PRDM4: variants seen among roughly 807,000 people sequenced by gnomAD.
PRDM4 encodes the protein PR domain zinc finger protein 4.
PRDM4 carries 38 observed loss-of-function variants against 62.3 expected under a neutral mutation model. That is an observed-to-expected ratio of 0.61 (90% CI 0.47 to 0.80). PRDM4 has a LOEUF of 0.80. PRDM4 is among the 30% of genes least tolerant of loss of function. The probability of loss-of-function intolerance (pLI) is 0.00; values close to 1 mark genes in which losing one functional copy is unlikely to be tolerated. For synonymous variants in PRDM4, 339 were observed against 348.2 expected, an observed-to-expected ratio of 0.97 and a Z score of 0.30; for missense variants, 858 against 997.1, an observed-to-expected ratio of 0.86 and a Z score of 1.88.
At chr12:107,737,446 C>G (rs1460465232) in intron 11 of PRDM4, among the ~76,000 whole-genome samples, 1 of 152,060 alleles carries the variant, frequency 6.6e-6, no homozygotes, top group Non-Finnish European at 1.5e-5. Flanking sequence ...TCTTTCTATC[C>G]CATGAAAGTT....
At chr12:107,743,325 G>T in intron 7 of PRDM4, 43 bp from the exon 8 acceptor site, 1 of 1,384,202 alleles carries the variant, frequency 7.2e-7, no homozygotes. Context: ...GCACTGACAT[G>T]CAATAAAGCA....
chr12:107,751,388 C>CA (rs762162715), intron 5 of PRDM4, 27 bp downstream of exon 5: 10 of 1,571,442 alleles, frequency 6.4e-6, no homozygotes, highest in Non-Finnish European at 7.8e-6. Context: ...CAAATATTTC[C>CA]AAAAAAGAAA....
In PRDM4 at chr12:107,733,889, G is replaced by C. The variant is rs1417541639; in HGVS notation, c.*321C>G. Reference sequence around the variant, plus strand: ...TAATGGAAGAATGTGAAATAAATCTGATTTGTTTGAGCAGAAGGCAGCTTT... The same window carrying C: ...TAATGGAAGAATGTGAAATAAATCTCATTTGTTTGAGCAGAAGGCAGCTTT... On this transcript the variant is annotated 3_prime_UTR_variant, in exon 12 of 12. Transcript: ENST00000228437. The C allele has an allele frequency of 7.5e-6, 2 of 264,904 alleles. No homozygotes were observed. The highest frequency in any genetic ancestry group is 2.2e-5 in the African/African-American group (1 of 44,450). The allele number at this position is 264,904 out of a possible 1,614,324, so 16.4% of individuals were successfully genotyped here.
intron 9 of PRDM4, among the ~76,000 whole-genome samples, chr12:107,741,579 C>T (rs1207105204): frequency 6.6e-6 from 1 of 151,934 alleles, no homozygotes; most frequent in Non-Finnish European, 1.5e-5. Flanking sequence ...ATTGGCTGGG[C>T]ATGGTGATGT....
At chr12:107,757,148 T>G (rs1426951811) in intron 2 of PRDM4, among the ~76,000 whole-genome samples, 183 bp from the exon 3 acceptor site, 1 of 152,216 alleles carries the variant, frequency 6.6e-6, no homozygotes, top group Non-Finnish European at 1.5e-5. Context: ...ATAAGAAAAC[T>G]GAGATTGAGA....
intron 3 of PRDM4, 137 bp from the exon 4 acceptor site, chr12:107,754,246 A>G: frequency 1.6e-6 from 1 of 608,746 alleles, no homozygotes. Context: ...TCATCCTTAG[A>G]TAATGTGCAA....
At position 107,754,124 on chromosome 12, in the gene PRDM4, T is replaced by A; in HGVS notation, c.146-15A>T. 2 of 1,557,072 alleles carry A rather than the reference T, an allele frequency of 1.3e-6. No individual in the cohort carries two copies. Among genetic ancestry groups the A allele is most frequent in the Non-Finnish European group, 1.7e-6 (2 of 1,147,748 alleles). ...CACTGGGAGGCCTACAAAACAAAATTTTTTTTCTCAGTTAAAAGAAAATAG... is the reference window on the plus strand; with the variant it reads ...CACTGGGAGGCCTACAAAACAAAATATTTTTTCTCAGTTAAAAGAAAATAG... On this transcript the variant is annotated splice_polypyrimidine_tract_variant and intron_variant, in intron 3 of 11. Transcript: ENST00000228437.
chr12:107,750,604 C>G (rs898524556), intron 5 of PRDM4, among the ~76,000 whole-genome samples: 2 of 152,004 alleles, frequency 1.3e-5, no homozygotes, highest in African/African-American at 4.8e-5. Context: ...ACCAGTAAAT[C>G]AACTGTTTTT....
chr12:107,741,183 G>A lies in PRDM4; in HGVS notation c.1687C>T (p.Leu563=). ...AGATGGTTATGGATGTGGCTGGTCAGATGGGCTTTGAACTCTGTGTAAGAA... is the reference window on the plus strand; with the variant it reads ...AGATGGTTATGGATGTGGCTGGTCAAATGGGCTTTGAACTCTGTGTAAGAA... ...CNSYTEFKAH[L]TSHIHNHLPT... is the part of the protein sequence containing the mutation. The change falls in exon 10 of 12, where the codon CTG becomes TTG. Residue 563 remains leucine, a synonymous_variant. Transcript: ENST00000228437. The A allele has an allele frequency of 1.2e-6, 2 of 1,614,126 alleles. No homozygotes were observed. The highest frequency in any genetic ancestry group is 2.2e-5 in the South Asian group (2 of 91,074).
chr12:107,755,402 A>G lies in PRDM4; in HGVS notation c.146-1293T>C, dbSNP rs541288402. 5.3e-5 allele frequency among the ~76,000 whole-genome samples: 8 copies of G among 152,204 alleles called. No homozygotes were observed. In the South Asian group the frequency reaches 8.3e-4, roughly 16 times the overall value. On this transcript the variant is annotated intron_variant, in intron 3 of 11. Coordinates refer to ENST00000228437, the MANE Select transcript of PRDM4 (RefSeq NM_012406.4). The stretch of plus-strand genomic sequence containing the variant: ...CGTGAGCCACTGTGCCTGGCTGGCA[A>G]TATTTTTTAACAGGCTTTTCCACCT...
rs1555200073 is a variant in PRDM4, at chr12:107,753,913, G to GT, written c.331+10dup. 1 of 1,607,316 alleles carries GT rather than the reference G, an allele frequency of 6.2e-7. No individual in the cohort carries two copies. The highest frequency in any genetic ancestry group is 8.5e-7 in the Non-Finnish European group (1 of 1,177,448). ...TTTTTCTCTAACATCTCAAGTAACT[G>GT]TAACACTTACCAGGTAGAATGGTTC... On this transcript the variant is annotated intron_variant, in intron 4 of 11. Coordinates refer to ENST00000228437, the MANE Select transcript of PRDM4 (RefSeq NM_012406.4).
chr12:107,752,047 A>C lies in PRDM4; in HGVS notation c.494T>G (p.Ile165Arg). 6.2e-7 allele frequency: 1 copy of C among 1,614,174 alleles called. No homozygotes were observed. The highest frequency in any genetic ancestry group is 8.5e-7 in the Non-Finnish European group (1 of 1,180,010). ...ATGTGTGTTCACAGAGCGAGAGTCT[A>C]TTGAAACAATGCCTGGTTCTAATCC... ...NVGLEPGIVS[I>R]DSRSVNTHGA... The change falls in exon 5 of 12, where the codon ATA becomes AGA. Residue 165 changes from isoleucine (I) to arginine (R), a missense_variant. By Grantham distance (97) the Ile-to-Arg change is moderately conservative (BLOSUM62 -3). Transcript: ENST00000228437.
rs1181574762 is a variant in PRDM4 at position 107,756,970 on chromosome 12, A to G, written c.12-5T>C. 6.2e-7 allele frequency: 1 copy of G among 1,613,764 alleles called. No individual in the cohort carries two copies. Among genetic ancestry groups the G allele is most frequent in the East Asian group, 2.2e-5 (1 of 44,902 alleles). ...CTCAGGTTCATTTCATTCATCCTAGAAAAGAGCACACACAACTAGTTATGC... is the reference window on the plus strand; with the variant it reads ...CTCAGGTTCATTTCATTCATCCTAGGAAAGAGCACACACAACTAGTTATGC... On this transcript the variant is annotated splice_region_variant and splice_polypyrimidine_tract_variant and intron_variant, in intron 2 of 11. Coordinates refer to ENST00000228437, the MANE Select transcript of PRDM4 (RefSeq NM_012406.4).
At chr12:107,740,476 G>T (rs1890482650) in intron 10 of PRDM4, among the ~76,000 whole-genome samples, 1 of 151,698 alleles carries the variant, frequency 6.6e-6, no homozygotes, top group Non-Finnish European at 1.5e-5. Context: ...AACAGAGTGA[G>T]GCCCTATCTC....
chr12:107,753,739 A>C (rs1171320314), intron 4 of PRDM4, among the ~76,000 whole-genome samples, 185 bp downstream of exon 4: 1 of 152,228 alleles, frequency 6.6e-6, no homozygotes, highest in Non-Finnish European at 1.5e-5. Flanking sequence ...CTGTATTACT[A>C]ATGTGTTATG....
At position 107,744,474 on chromosome 12, in the gene PRDM4, A is replaced by G. The variant is rs369315160; in HGVS notation, c.1395+69T>C. On this transcript the variant is annotated intron_variant, in intron 7 of 11. Transcript: ENST00000228437. ...AGTTCTGGCTGATTTTGACTTTATC[A>G]TAACTTTTTAACTACCTCTTACTAA... 139 of 1,550,852 alleles carry G rather than the reference A, an allele frequency of 9.0e-5. 1 individual carries two copies. Among genetic ancestry groups the G allele is most frequent in the South Asian group, 4.5e-4 (38 of 84,356 alleles).
In PRDM4 at chr12:107,743,384, G is replaced by T. The variant is rs920960114; in HGVS notation, c.1396-102C>A. On this transcript the variant is annotated intron_variant, in intron 7 of 11. Coordinates refer to ENST00000228437, the MANE Select transcript of PRDM4 (RefSeq NM_012406.4). Reference sequence around the variant, plus strand: ...TCACCTCATTTACTCATTTGCAGTAGGTCCCAGCTTTCTTAGTGGGAAAAT... The same window carrying T: ...TCACCTCATTTACTCATTTGCAGTATGTCCCAGCTTTCTTAGTGGGAAAAT... 5.2e-6 allele frequency: 4 copies of T among 767,854 alleles called. No individual in the cohort carries two copies. In the South Asian group the frequency reaches 6.4e-5, roughly 12 times the overall value. 47.6% of individuals were successfully genotyped at this position (767,854 alleles called of 1,614,324 possible).
chr12:107,738,105 A>C (rs970639377), intron 11 of PRDM4: 1 of 152,156 alleles, frequency 6.6e-6, no homozygotes, highest in Non-Finnish European at 1.5e-5. Flanking sequence ...GCCCTCTTCC[A>C]GGCTTGCTCA....
chr12:107,734,136 C>A lies in PRDM4; in HGVS notation c.*74G>T. The stretch of plus-strand genomic sequence containing the variant: ...ATCAGGAACCATTTTATATAAAAAC[C>A]ATTATAGTAGATAACTGGTTATGTG... On this transcript the variant is annotated 3_prime_UTR_variant, in exon 12 of 12. Coordinates refer to ENST00000228437, the MANE Select transcript of PRDM4 (RefSeq NM_012406.4). 11 of 1,432,960 alleles carry A rather than the reference C, an allele frequency of 7.7e-6. No individual in the cohort carries two copies. The highest frequency in any genetic ancestry group is 2.3e-5 in the East Asian group (1 of 43,674). 88.8% of individuals were successfully genotyped at this position (1,432,960 alleles called of 1,614,324 possible). A position where few individuals can be genotyped will look rare whatever the true frequency, so the allele number is the denominator to read the frequency against.
Sources: gnomAD v4.1 joint callset for allele counts (sites outside exome capture counted in the v4.1 genomes callset) on GRCh38, gnomAD v4.1.1 for gene constraint, MANE v1.5 for transcripts, NCBI Gene and HGNC (gene_info 2026-07-23, HGNC 2026-07-21) for gene names.